FHIP1A: variants seen among roughly 807,000 people sequenced by gnomAD.
FHIP1A encodes the protein FHF complex subunit HOOK interacting protein 1A, also known as FHF complex subunit HOOK-interacting protein 1A.
In FHIP1A, 61 loss-of-function variants were observed where a neutral mutation model predicts 88.6. The observed-to-expected ratio is 0.69, with a 90% confidence interval of 0.56 to 0.85. The LOEUF (loss-of-function observed/expected upper bound fraction) is 0.85. Ranked by LOEUF, FHIP1A falls within the 40% of genes least tolerant of loss-of-function variation. FHIP1A has a pLI of 0.00. For missense variants in FHIP1A, 1,154 were observed against 1,273.5 expected, an observed-to-expected ratio of 0.91 and a Z score of 1.43; for synonymous variants, 478 against 496.0, an observed-to-expected ratio of 0.96 and a Z score of 0.48.
At chr4:151,643,833 G>T (rs1007612064) in intron 9 of FHIP1A, among the ~76,000 whole-genome samples, 2 of 152,086 alleles carry the variant, frequency 1.3e-5, no homozygotes, top group Non-Finnish European at 2.9e-5. Flanking sequence ...GATCTCCCTT[G>T]ATTTGATTTA....
chr4:151,578,246 A>G (rs567992212), intron 5 of FHIP1A, among the ~76,000 whole-genome samples, 170 bp downstream of exon 5: 2 of 152,320 alleles, frequency 1.3e-5, no homozygotes, highest in South Asian at 4.1e-4. Context: ...ATCTAAGTTG[A>G]GACGCTATTT....
intron 3 of FHIP1A, among the ~76,000 whole-genome samples, chr4:151,536,976 G>A (rs1732092920): frequency 6.6e-6 from 1 of 152,120 alleles, no homozygotes; most frequent in African/African-American, 2.4e-5. Flanking sequence ...CCAGTCTCAA[G>A]CGATCCTCCC....
At chr4:151,518,868 T>G (rs1731351697) in intron 3 of FHIP1A, among the ~76,000 whole-genome samples, 1 of 152,000 alleles carries the variant, frequency 6.6e-6, no homozygotes, top group African/African-American at 2.4e-5. Context: ...ATTGTCAATC[T>G]GCAAAACATC....
chr4:151,498,710 G>C (rs1449064547), intron 3 of FHIP1A, among the ~76,000 whole-genome samples: 4 of 152,194 alleles, frequency 2.6e-5, no homozygotes, highest in Non-Finnish European at 5.9e-5. Flanking sequence ...AGCTACTCGG[G>C]AGGCTGAGGC....
intron 1 of FHIP1A, among the ~76,000 whole-genome samples, chr4:151,430,968 T>G (rs918758786): frequency 6.6e-6 from 1 of 152,230 alleles, no homozygotes; most frequent in African/African-American, 2.4e-5. Context: ...GTTGACTACT[T>G]GCCAGTAAAA....
intron 7 of FHIP1A, among the ~76,000 whole-genome samples, chr4:151,597,801 G>A (rs938917796): frequency 3.9e-5 from 6 of 152,142 alleles, no homozygotes; most frequent in Non-Finnish European, 7.4e-5. Context: ...TGTCCAGTTC[G>A]AACTTCCAGG....
intron 7 of FHIP1A, among the ~76,000 whole-genome samples, chr4:151,601,181 C>G (rs570305457): frequency 2.0e-5 from 3 of 152,256 alleles, no homozygotes; most frequent in South Asian, 2.1e-4. Context: ...GAATAAATAA[C>G]TAAGTTTCCT....
At position 151,665,826 on chromosome 4, in the gene FHIP1A, T is replaced by C. The variant is rs1210740807; in HGVS notation, c.*3072T>C. Among the ~76,000 whole-genome samples, 5 of 152,264 alleles carry C rather than the reference T, an allele frequency of 3.3e-5. No homozygotes were observed. The highest frequency in any genetic ancestry group is 7.3e-5 in the Non-Finnish European group (5 of 68,052). Reference sequence around the variant, plus strand: ...GGGAAAATCTTAAATATGTTTGGCATGCTTAAAGATATGGTCCGAGAGTGT... The same window carrying C: ...GGGAAAATCTTAAATATGTTTGGCACGCTTAAAGATATGGTCCGAGAGTGT... On this transcript the variant is annotated 3_prime_UTR_variant, in exon 14 of 14. Transcript: ENST00000435205.
At chr4:151,555,323 T>C (rs891204985) in intron 3 of FHIP1A, among the ~76,000 whole-genome samples, 2 of 152,182 alleles carry the variant, frequency 1.3e-5, no homozygotes, top group African/African-American at 4.8e-5. Flanking sequence ...TAGAGGCATC[T>C]GGCATCAAAT....
chr4:151,519,170 C>T (rs1051295554), intron 3 of FHIP1A, among the ~76,000 whole-genome samples: 1 of 152,162 alleles, frequency 6.6e-6, no homozygotes, highest in Non-Finnish European at 1.5e-5. Context: ...AATCCAAAGT[C>T]TGTCATAATA....
chr4:151,615,943 G>A (rs1735501915), intron 7 of FHIP1A, among the ~76,000 whole-genome samples: 1 of 152,164 alleles, frequency 6.6e-6, no homozygotes, highest in South Asian at 2.1e-4. Context: ...CAGAATGGGT[G>A]ACAGGAGGGT....
At chr4:151,439,728 AT>A (rs1476425215) in intron 1 of FHIP1A, among the ~76,000 whole-genome samples, 1 of 152,168 alleles carries the variant, frequency 6.6e-6, no homozygotes, top group Non-Finnish European at 1.5e-5. Flanking sequence ...TGTTAGGGTT[AT>A]TCCTTTAGAA....
chr4:151,485,357 G>T (rs1730046029), intron 3 of FHIP1A, among the ~76,000 whole-genome samples: 1 of 142,620 alleles, frequency 7.0e-6, no homozygotes, highest in African/African-American at 2.7e-5. Flanking sequence ...TTTATGTTTG[G>T]TCGTGTTTTC....
Position 151,656,457 on chromosome 4 carries a change from T to C in FHIP1A, c.2730+47T>C. ...CCACACCTGTTGATTTTGTGGGTGC[T>C]AATTTGCAGGGCATCTATTTCTCTT... On this transcript the variant is annotated intron_variant, in intron 12 of 13. Transcript: ENST00000435205. The surrounding 1 kb of genome is among the most constrained non-coding windows in gnomAD (Gnocchi z 4.2). 9 of 1,503,992 alleles carry C rather than the reference T, an allele frequency of 6.0e-6. No individual in the cohort carries two copies. Among genetic ancestry groups the C allele is most frequent in the Non-Finnish European group, 8.1e-6 (9 of 1,109,648 alleles). 93.2% of individuals were successfully genotyped at this position (1,503,992 alleles called of 1,614,324 possible).
chr4:151,434,187 C>T lies in FHIP1A; in HGVS notation c.-355-20514C>T, dbSNP rs148358474. The stretch of plus-strand genomic sequence containing the variant: ...GAATTCTATTCCATTTTCTTTTATC[C>T]TGGCCACATTCTTCATTTACTACCC... On this transcript the variant is annotated intron_variant, in intron 1 of 13. Transcript: ENST00000435205. Among the ~76,000 whole-genome samples, 47 of 152,234 alleles carry T rather than the reference C, an allele frequency of 3.1e-4. No homozygotes were observed. The East Asian group carries it at 7.9e-3, about 26-fold the overall frequency.
At chr4:151,607,499 G>A (rs1378930992) in intron 7 of FHIP1A, among the ~76,000 whole-genome samples, 2 of 152,096 alleles carry the variant, frequency 1.3e-5, no homozygotes, top group Non-Finnish European at 2.9e-5. Flanking sequence ...CTTTGACTTG[G>A]GAATTCTTGA....
chr4:151,498,329 T>C (rs1244191535), intron 3 of FHIP1A, among the ~76,000 whole-genome samples: 1 of 152,210 alleles, frequency 6.6e-6, no homozygotes, highest in East Asian at 1.9e-4. Flanking sequence ...CTTTCTTCCC[T>C]TCTGGGGTTC....
chr4:151,644,231 C>T (rs1736701223), intron 9 of FHIP1A, among the ~76,000 whole-genome samples: 1 of 152,142 alleles, frequency 6.6e-6, no homozygotes, highest in African/African-American at 2.4e-5. Flanking sequence ...ACAGATTTTC[C>T]CAGCTCTCAC....
chr4:151,452,106 C>T (rs1162370899), intron 1 of FHIP1A, among the ~76,000 whole-genome samples: 1 of 152,192 alleles, frequency 6.6e-6, no homozygotes, highest in Non-Finnish European at 1.5e-5. Flanking sequence ...CAGGCGTGAG[C>T]CACCACGCCT....
Sources: gnomAD v4.1 joint callset for allele counts (sites outside exome capture counted in the v4.1 genomes callset) on GRCh38, gnomAD v4.1.1 for gene constraint, Gnocchi (gnomAD v3.1) non-coding constraint, MANE v1.5 for transcripts, NCBI Gene and HGNC (gene_info 2026-07-23, HGNC 2026-07-21) for gene names.